Variants in RHOBTB2 observed in about 807,000 individuals in gnomAD.
The protein encoded by RHOBTB2 is rho-related BTB domain-containing protein 2.
RHOBTB2 carries 39 observed loss-of-function variants against 66.5 expected under a neutral mutation model. That is an observed-to-expected ratio of 0.59 (90% CI 0.45 to 0.77). The LOEUF (loss-of-function observed/expected upper bound fraction) is 0.77, where lower values mean the gene tolerates loss of function less well. Among genes scored for constraint, RHOBTB2 ranks in the 30% least tolerant of loss-of-function variants. The pLI is 0.00. For missense variants in RHOBTB2, 755 were observed against 999.1 expected (o/e 0.76, Z 3.29); for synonymous variants, 390 against 395.0 (o/e 0.99, Z 0.15).
At position 23,001,751 on chromosome 8, in the gene RHOBTB2, G is replaced by A. The variant is rs77033758; in HGVS notation, c.-11+1646G>A. On this transcript the variant is annotated intron_variant, in intron 1 of 9. Coordinates refer to ENST00000251822, the MANE Select transcript of RHOBTB2 (RefSeq NM_015178.3). ...GACTTGCCTCTTCCTAGATAGGACAGTGAAGTTTGCCAGTCAGGCAGTTGG... is the reference window on the plus strand; with the variant it reads ...GACTTGCCTCTTCCTAGATAGGACAATGAAGTTTGCCAGTCAGGCAGTTGG... Among the ~76,000 whole-genome samples, 760 of 152,280 alleles carry A rather than the reference G, an allele frequency of 5.0e-3. 9 individuals are homozygous for A. The highest frequency in any genetic ancestry group is 0.017 in the African/African-American group (727 of 41,550).
chr8:23,008,159 A>C, intron 6 of RHOBTB2, 48 bp downstream of exon 6: 1 of 1,310,832 alleles, frequency 7.6e-7, no homozygotes, highest in Non-Finnish European at 1.1e-6. Flanking sequence ...AGACATTTGC[A>C]CCCTTTACAT....
chr8:22,974,226 GC>G, the RHOBTB2 span, among the ~76,000 whole-genome samples: 4 of 152,180 alleles, frequency 2.6e-5, no homozygotes, highest in Non-Finnish European at 5.9e-5. Context: ...CAGACATCTG[GC>G]CCCGATTTCC....
In RHOBTB2 at chr8:23,007,312, G is replaced by A. The variant is rs766921853; in HGVS notation, c.1067G>A (p.Gly356Asp). 8.7e-6 allele frequency: 14 copies of A among 1,613,716 alleles called. No homozygotes were observed. Among genetic ancestry groups the A allele is most frequent in the Non-Finnish European group, 1.1e-5 (13 of 1,179,898 alleles). ...TGCGAGAGCGTGGATGAGGCTGGGG[G>A]CTCCGGTCCTGCTGGCCTCCGTGCT... is the stretch of plus-strand genomic sequence containing the variant. ...DVCESVDEAGGSGPAGLRAST... is the reference protein window; with the variant it reads ...DVCESVDEAGDSGPAGLRAST... Residue 356 changes from glycine (G) to aspartate (D), a missense_variant, in exon 5 of 10, where the codon GGC (glycine) becomes GAC (aspartate). By Grantham distance (94) the Gly-to-Asp change is moderately conservative (BLOSUM62 -1). Around this residue, in one of 7 missense-constraint regions of RHOBTB2, gnomAD observed 247 missense variants for 238.9 expected, o/e 1.03. Transcript: ENST00000251822.
At chr8:23,014,364 C>T (rs1811228676) in intron 7 of RHOBTB2, among the ~76,000 whole-genome samples, 1 of 152,238 alleles carries the variant, frequency 6.6e-6, no homozygotes, top group Admixed American at 6.5e-5. Flanking sequence ...CACACACTCT[C>T]CCTTTTGTAT....
chr8:22,967,424 C>A, the RHOBTB2 span, among the ~76,000 whole-genome samples: 16 of 151,814 alleles, frequency 1.1e-4, no homozygotes, highest in Non-Finnish European at 2.1e-4. Flanking sequence ...TCCCGGCCAA[C>A]ATGGTGAAAC....
chr8:22,968,379 A>G, the RHOBTB2 span, among the ~76,000 whole-genome samples: 4 of 152,134 alleles, frequency 2.6e-5, no homozygotes, highest in South Asian at 4.1e-4. Context: ...TTAAAAAAAT[A>G]TCGAATAAAT....
At chr8:22,987,319 A>T (rs970186637), upstream of RHOBTB2, 1 of 152,336 alleles carries the variant, frequency 6.6e-6, no homozygotes, top group Non-Finnish European at 1.5e-5. Context: ...CTGGACGGGG[A>T]ACAAAGCCTC....
chr8:22,980,811 C>T, the RHOBTB2 span, among the ~76,000 whole-genome samples: 1 of 152,164 alleles, frequency 6.6e-6, no homozygotes, highest in Non-Finnish European at 1.5e-5. Flanking sequence ...TGTGATGTCC[C>T]AAATACTTTA....
the RHOBTB2 span, among the ~76,000 whole-genome samples, chr8:22,980,925 C>G: frequency 3.9e-5 from 6 of 152,326 alleles, no homozygotes; most frequent in East Asian, 1.2e-3. Flanking sequence ...CTCTCATCTC[C>G]TATATTTAAC....
At chr8:23,012,395 A>G (rs558980801) in intron 7 of RHOBTB2, among the ~76,000 whole-genome samples, 2 of 152,360 alleles carry the variant, frequency 1.3e-5, no homozygotes, top group South Asian at 4.1e-4. Context: ...GTAACTTTTC[A>G]TGAAATTATC....
chr8:22,996,496 GGT>G (rs777854716), upstream of RHOBTB2, among the ~76,000 whole-genome samples: 481 of 98,714 alleles, frequency 4.9e-3, 1 homozygote, highest in African/African-American at 4.7e-3. Context: ...AGAGAGGGCT[GGT>G]GTGTGTGTGT....
chr8:23,003,864 G>T (rs1038632719), intron 1 of RHOBTB2, among the ~76,000 whole-genome samples: 5 of 152,214 alleles, frequency 3.3e-5, no homozygotes, highest in African/African-American at 1.2e-4. Flanking sequence ...ACTTAGGCAG[G>T]CTAGGGCTTG....
rs144645186 is a variant in RHOBTB2 at position 23,004,468 on chromosome 8, G to A, written c.34G>A (p.Val12Ile). The A allele has an allele frequency of 4.2e-5, 68 of 1,614,228 alleles. No homozygotes were observed. Among genetic ancestry groups the A allele is most frequent in the African/African-American group, 9.3e-5 (7 of 75,074 alleles). The part of the protein sequence containing the change: ...DSDMDYERPN[V>I]ETIKCVVVGD... ...TGACATGGATTATGAAAGGCCAAACGTAGAGACCATCAAGTGCGTTGTGGT... is the reference window on the plus strand; with the variant it reads ...TGACATGGATTATGAAAGGCCAAACATAGAGACCATCAAGTGCGTTGTGGT... The change falls in exon 2 of 10, where the codon GTA becomes ATA. Residue 12 changes from valine (V) to isoleucine (I), a missense_variant. Transcript: ENST00000251822. The surrounding 1 kb of genome is among the most constrained non-coding windows in gnomAD (Gnocchi z 6.4).
the RHOBTB2 span, among the ~76,000 whole-genome samples, chr8:22,951,625 C>G: frequency 6.6e-6 from 1 of 152,124 alleles, no homozygotes; most frequent in East Asian, 1.9e-4. Context: ...ACCTTCTTAA[C>G]AGTGGGGGAG....
chr8:22,977,571 C>CAA, the RHOBTB2 span, among the ~76,000 whole-genome samples: 34,753 of 136,360 alleles, frequency 0.25, 4,766 homozygotes, highest in Admixed American at 0.31. Context: ...GACCCTTTCT[C>CAA]AAAAAAAAAA....
At chr8:22,958,541 G>C in the RHOBTB2 span, among the ~76,000 whole-genome samples, 1 of 152,114 alleles carries the variant, frequency 6.6e-6, no homozygotes, top group Non-Finnish European at 1.5e-5. Context: ...GCTCATGCCT[G>C]TAATCACAGC....
In RHOBTB2 at chr8:22,999,580, T is replaced by G; in HGVS notation, c.-536T>G. On this transcript the variant is annotated 5_prime_UTR_variant, in exon 1 of 10. Transcript: ENST00000251822. ...GTCACGGCTGTCGTCTTGGGTGCGA[T>G]TTTTTTCTCCTCCTTTTTTTACCCT... 9 of 1,223,118 alleles carry G rather than the reference T, an allele frequency of 7.4e-6. No individual in the cohort carries two copies. The highest frequency in any genetic ancestry group is 9.3e-6 in the Non-Finnish European group (9 of 962,746). 75.8% of individuals were successfully genotyped at this position (1,223,118 alleles called of 1,614,324 possible).
chr8:22,988,051 G>C (rs1810325258), intron 1 of RHOBTB2, among the ~76,000 whole-genome samples: 1 of 152,042 alleles, frequency 6.6e-6, no homozygotes, highest in Non-Finnish European at 1.5e-5. Context: ...CACAGGAACA[G>C]CTTGTGATAA....
chr8:22,995,440 T>C (rs898745844), upstream of RHOBTB2, among the ~76,000 whole-genome samples: 12 of 152,258 alleles, frequency 7.9e-5, no homozygotes, highest in African/African-American at 2.9e-4. Flanking sequence ...AGTTACACTT[T>C]GTCAAGTGTA....
Sources: allele counts gnomAD v4.1 joint callset (sites outside exome capture counted in the v4.1 genomes callset), GRCh38; gene constraint gnomAD v4.1.1; regional missense constraint gnomAD v4.1.1; non-coding constraint Gnocchi (gnomAD v3.1); transcripts MANE v1.5; gene names NCBI Gene and HGNC (gene_info 2026-07-23, HGNC 2026-07-21).